The following RFX4 variants were observed in gnomAD, a reference collection of about 807,000 sequenced individuals.
The protein encoded by RFX4 is regulatory factor X4, also known as transcription factor RFX4.
RFX4 carries 10 observed loss-of-function variants against 95.0 expected under a neutral mutation model. That is an observed-to-expected ratio of 0.11 (90% CI 0.06 to 0.18). The LOEUF is 0.18. RFX4 is among the 10% of genes least tolerant of loss of function. The pLI is 1.00. For synonymous variants in RFX4, 321 were observed against 340.7 expected, an observed-to-expected ratio of 0.94 and a Z score of 0.64; for missense variants, 640 against 922.0, an observed-to-expected ratio of 0.69 and a Z score of 3.96.
intron 3 of RFX4, among the ~76,000 whole-genome samples, chr12:106,652,244 G>T (rs904011885): frequency 6.6e-6 from 1 of 152,142 alleles, no homozygotes; most frequent in East Asian, 1.9e-4. Flanking sequence ...CTAGAACATT[G>T]CCTGGCACTT....
At chr12:106,679,279 G>A (rs780263679) in intron 4 of RFX4, among the ~76,000 whole-genome samples, 42 of 152,134 alleles carry the variant, frequency 2.8e-4, no homozygotes, top group Non-Finnish European at 4.9e-4. Flanking sequence ...CCAACATGGC[G>A]AAACCCTGTC....
chr12:106,713,347 GTGCCCAATACTGTGCTTAGTGGTACT>G (rs1565991203), intron 10 of RFX4, among the ~76,000 whole-genome samples: 1 of 152,174 alleles, frequency 6.6e-6, no homozygotes, highest in Non-Finnish European at 1.5e-5. Flanking sequence ...TGCCTACTGT[GTGCCCAATACTGTGCTTAGTGGTACT>G]TGCCCTCAGC....
Position 106,720,105 on chromosome 12 carries a change from T to A in RFX4, c.1233+51T>A. Reference sequence around the variant, plus strand: ...AGCCTTGGGCCCTGCAGCCCACCACTGCCCTCTGTGAACTTGGCCAAGACA... The same window carrying A: ...AGCCTTGGGCCCTGCAGCCCACCACAGCCCTCTGTGAACTTGGCCAAGACA... On this transcript the variant is annotated intron_variant, in intron 12 of 17. Coordinates refer to ENST00000392842, the MANE Select transcript of RFX4 (RefSeq NM_213594.3). The surrounding 1 kb of genome is among the most constrained non-coding windows in gnomAD (Gnocchi z 4.2). 1.4e-6 allele frequency: 2 copies of A among 1,469,724 alleles called. No individual in the cohort carries two copies. The highest frequency in any genetic ancestry group is 1.9e-6 in the Non-Finnish European group (2 of 1,049,732). 91.0% of individuals were successfully genotyped at this position (1,469,724 alleles called of 1,614,324 possible).
chr12:106,756,870 T>A (rs1455189639), intron 17 of RFX4, among the ~76,000 whole-genome samples: 1 of 152,212 alleles, frequency 6.6e-6, no homozygotes, highest in Non-Finnish European at 1.5e-5. Flanking sequence ...CTGTACTAGC[T>A]CTGTGAAAGC....
At chr12:106,616,341 T>G (rs1271100921) in intron 2 of RFX4, among the ~76,000 whole-genome samples, 1 of 152,188 alleles carries the variant, frequency 6.6e-6, no homozygotes, top group African/African-American at 2.4e-5. Flanking sequence ...TTTTATATAC[T>G]TCTGGGTGTG....
intron 2 of RFX4, among the ~76,000 whole-genome samples, chr12:106,623,382 C>T (rs1024116395): frequency 1.4e-4 from 21 of 152,114 alleles, no homozygotes; most frequent in African/African-American, 4.8e-4. Flanking sequence ...GTAATGAACC[C>T]TCACGTTTCA....
At chr12:106,620,037 C>A (rs2040150860) in intron 2 of RFX4, among the ~76,000 whole-genome samples, 1 of 152,058 alleles carries the variant, frequency 6.6e-6, no homozygotes, top group African/African-American at 2.4e-5. Flanking sequence ...AACATATTAT[C>A]CATGGTTATT....
At chr12:106,624,855 G>A (rs563010394) in intron 2 of RFX4, among the ~76,000 whole-genome samples, 14 of 152,172 alleles carry the variant, frequency 9.2e-5, no homozygotes, top group Non-Finnish European at 1.9e-4. Flanking sequence ...AAAAATTAAC[G>A]ATTGGCTATT....
At chr12:106,641,305 C>T (rs2040617175) in intron 3 of RFX4, among the ~76,000 whole-genome samples, 1 of 152,180 alleles carries the variant, frequency 6.6e-6, no homozygotes, top group Non-Finnish European at 1.5e-5. Context: ...GGGCAAGGTC[C>T]TTAACCTCTC....
chr12:106,733,269 C>T (rs1316828743), intron 15 of RFX4, 184 bp downstream of exon 15: 6 of 590,542 alleles, frequency 1.0e-5, no homozygotes, highest in Non-Finnish European at 1.5e-5. Flanking sequence ...CCAGGAGCTA[C>T]GATCGCACCA....
At chr12:106,724,614 C>G (rs186843788) in intron 13 of RFX4, among the ~76,000 whole-genome samples, 210 of 152,242 alleles carry the variant, frequency 1.4e-3, no homozygotes, top group Admixed American at 4.8e-3. Context: ...GAACAAAGAA[C>G]TGTCAACTAT....
At chr12:106,680,201 A>G (rs1010567479) in intron 4 of RFX4, among the ~76,000 whole-genome samples, 2 of 152,214 alleles carry the variant, frequency 1.3e-5, no homozygotes, top group Non-Finnish European at 2.9e-5. Flanking sequence ...TCTTTTTGTC[A>G]ACGATTCTCT....
At chr12:106,676,933 C>T (rs754924859) in intron 4 of RFX4, among the ~76,000 whole-genome samples, 7 of 152,028 alleles carry the variant, frequency 4.6e-5, no homozygotes, top group Non-Finnish European at 7.4e-5. Context: ...AGTAACATTG[C>T]GGTGGTAGAG....
chr12:106,662,103 T>A lies in RFX4; in HGVS notation c.315+7752T>A, dbSNP rs114147399. 1,280 of 301,606 alleles carry A rather than the reference T, an allele frequency of 4.2e-3. 15 individuals carry two copies. Among genetic ancestry groups the A allele is most frequent in the African/African-American group, 0.027 (1,211 of 45,548 alleles). The allele number at this position is 301,606 out of a possible 1,614,324, so 18.7% of individuals were successfully genotyped here. A position where few individuals can be genotyped will look rare whatever the true frequency, so the allele number is the denominator to read the frequency against. On this transcript the variant is annotated intron_variant, in intron 4 of 17. Transcript: ENST00000392842. ...CAAGAAGGGCAATTGCTAGATTGTATGGTAAGAGTTTATTTAGTTTTGTAA... is the reference window on the plus strand; with the variant it reads ...CAAGAAGGGCAATTGCTAGATTGTAAGGTAAGAGTTTATTTAGTTTTGTAA...
intron 4 of RFX4, among the ~76,000 whole-genome samples, chr12:106,675,460 G>A (rs1448984035): frequency 4.0e-5 from 6 of 151,804 alleles, no homozygotes; most frequent in Non-Finnish European, 7.4e-5. Flanking sequence ...AAGAAGAAAA[G>A]AAAATTGCTA....
In RFX4 at chr12:106,709,036, G is replaced by A. The variant is rs113167716; in HGVS notation, c.834-294G>A. Among the ~76,000 whole-genome samples, 49 of 152,276 alleles carry A rather than the reference G, an allele frequency of 3.2e-4. 1 individual carries two copies. The highest frequency in any genetic ancestry group is 1.2e-3 in the African/African-American group (48 of 41,562). On this transcript the variant is annotated intron_variant, in intron 8 of 17. Coordinates refer to ENST00000392842, the MANE Select transcript of RFX4 (RefSeq NM_213594.3). ...CCCACTGTCTTCACCCCTCACACAA[G>A]CTCTTCAAAAGCATGAAGGAGCATG...
rs2040261291 is a variant in RFX4 at position 106,624,907 on chromosome 12, G to GA, written c.131-14419dup. 3.9e-5 allele frequency among the ~76,000 whole-genome samples: 6 copies of GA among 152,162 alleles called. 1 individual carries two copies. In the South Asian group the frequency reaches 1.2e-3, roughly 32 times the overall value. ...AGTGTATCTCTGGACCGGGCCAATT[G>GA]AAAAAATGCCTTCTCGGGGTGTGAT... On this transcript the variant is annotated intron_variant, in intron 2 of 17. Transcript: ENST00000392842.
At chr12:106,615,804 AT>A (rs2040060105) in intron 2 of RFX4, among the ~76,000 whole-genome samples, 1 of 152,226 alleles carries the variant, frequency 6.6e-6, no homozygotes, top group Non-Finnish European at 1.5e-5. Context: ...ATAATCAATT[AT>A]TTAGATAATA....
At chr12:106,707,659 G>A (rs1274337153) in intron 8 of RFX4, among the ~76,000 whole-genome samples, 3 of 152,054 alleles carry the variant, frequency 2.0e-5, no homozygotes, top group African/African-American at 2.4e-5. Flanking sequence ...GGTCAGGAGC[G>A]GGGTGAGGAG....
Sources: gnomAD v4.1 joint callset for allele counts (sites outside exome capture counted in the v4.1 genomes callset) on GRCh38, gnomAD v4.1.1 for gene constraint, Gnocchi (gnomAD v3.1) non-coding constraint, MANE v1.5 for transcripts, NCBI Gene and HGNC (gene_info 2026-07-23, HGNC 2026-07-21) for gene names.